The following ITGAM variants were observed in gnomAD, a reference collection of about 807,000 sequenced individuals.
ITGAM encodes the protein integrin subunit alpha M.
Under a neutral mutation model 137.5 loss-of-function variants are expected in ITGAM, and 79 were observed. That is an observed-to-expected ratio of 0.57 (90% confidence interval 0.48 to 0.69). The LOEUF (loss-of-function observed/expected upper bound fraction) is 0.69, where lower values mean the gene tolerates loss of function less well. Ranked by LOEUF, ITGAM falls within the 30% of genes least tolerant of loss-of-function variation. The pLI is 0.00. For missense variants in ITGAM, 1,343 were observed against 1,483.5 expected (o/e 0.91, Z 1.56); for synonymous variants, 583 against 592.3 (o/e 0.98, Z 0.23).
rs1275963706 is a variant in ITGAM at position 31,329,301 on chromosome 16, C to G, written c.2866C>G (p.Gln956Glu). The G allele has an allele frequency of 1.9e-6, 3 of 1,607,976 alleles. No individual in the cohort carries two copies. Among genetic ancestry groups the G allele is most frequent in the African/African-American group, 1.3e-5 (1 of 74,742 alleles). ...NTSRVMQHQY[Q>E]VSNLGQRSLP... The stretch of plus-strand genomic sequence containing the variant: ...CAGTCGGGTCATGCAGCATCAATAT[C>G]AGGTGGGCAGCTGGGACGTCTGGGT... The change falls in exon 24 of 30, where the codon CAG becomes GAG. Residue 956 changes from glutamine to glutamate, a missense_variant and splice_region_variant. By Grantham distance (29) the Gln-to-Glu change is conservative. Transcript: ENST00000544665.
At chr16:31,326,778 C>G in intron 21 of ITGAM, 78 bp from the exon 22 acceptor site, 1 of 975,758 alleles carries the variant, frequency 1.0e-6, no homozygotes, top group South Asian at 1.3e-5. Context: ...TTTCATGTCT[C>G]CATTAATCAG....
chr16:31,269,189 G>A (rs1401017463), intron 5 of ITGAM, among the ~76,000 whole-genome samples: 2 of 152,094 alleles, frequency 1.3e-5, no homozygotes, highest in African/African-American at 2.4e-5. Flanking sequence ...CAGCAAGATC[G>A]GATGAACCAG....
At chr16:31,269,966 A>G (rs2079810536) in intron 5 of ITGAM, among the ~76,000 whole-genome samples, 1 of 152,178 alleles carries the variant, frequency 6.6e-6, no homozygotes. Context: ...TTGACCTCCC[A>G]GGCCACAGAG....
intron 8 of ITGAM, among the ~76,000 whole-genome samples, chr16:31,274,277 A>G (rs1162140961): frequency 1.3e-5 from 2 of 152,248 alleles, no homozygotes; most frequent in African/African-American, 4.8e-5. Flanking sequence ...TATAGGTTAA[A>G]CATTCCACAG....
intron 14 of ITGAM, among the ~76,000 whole-genome samples, chr16:31,302,428 C>CTTTCTTCTTTCTTTCTTTCTTTCT (rs71390270): frequency 3.9e-5 from 4 of 103,180 alleles, no homozygotes; most frequent in African/African-American, 2.2e-4. Context: ...TTCTTTCTTT[C>CTTTCTTCTTTCTTTCTTTCTTTCT]TTCTTTCTTT....
At chr16:31,286,468 C>A (rs2080030619) in intron 12 of ITGAM, among the ~76,000 whole-genome samples, 1 of 152,198 alleles carries the variant, frequency 6.6e-6, no homozygotes, top group South Asian at 2.1e-4. Context: ...CACCAGCCAA[C>A]AATGTATAAG....
intron 20 of ITGAM, 33 bp downstream of exon 20, chr16:31,325,437 T>C: frequency 6.2e-7 from 1 of 1,612,618 alleles, no homozygotes; most frequent in Non-Finnish European, 8.5e-7. Flanking sequence ...CTATCTGACC[T>C]TTGCTTCCCC....
intron 14 of ITGAM, among the ~76,000 whole-genome samples, chr16:31,316,062 C>T (rs62051485): frequency 0.79 from 21,996 of 27,982 alleles, 8,731 homozygotes; most frequent in East Asian, 0.99. Context: ...GGCGCGGTGG[C>T]GGGCGCCTGT....
chr16:31,321,480 A>G lies in ITGAM; in HGVS notation c.1855A>G (p.Arg619Gly). The G allele has an allele frequency of 1.2e-6, 2 of 1,613,960 alleles. No homozygotes were observed. The highest frequency in any genetic ancestry group is 1.7e-6 in the Non-Finnish European group (2 of 1,179,870). ...VLLLRSQPVL[R>G]VKAIMEFNPR... ...TCCCTTTAGGTCCCAGCCAGTACTGAGAGTCAAGGCAATCATGGAGTTCAA... is the reference window on the plus strand; with the variant it reads ...TCCCTTTAGGTCCCAGCCAGTACTGGGAGTCAAGGCAATCATGGAGTTCAA... Residue 619 changes from arginine to glycine, a missense_variant, in exon 16 of 30, where the codon AGA becomes GGA. Physicochemically the swap from Arg to Gly is moderately radical, Grantham distance 125. Coordinates refer to ENST00000544665, the MANE Select transcript of ITGAM (RefSeq NM_000632.4).
At chr16:31,271,340 T>C (rs1310088403) in intron 6 of ITGAM, among the ~76,000 whole-genome samples, 2 of 151,968 alleles carry the variant, frequency 1.3e-5, no homozygotes, top group Non-Finnish European at 2.9e-5. Flanking sequence ...GCTGGCTGAG[T>C]TCTATTTTCA....
At chr16:31,303,483 GTACAAGTGCTTTTTGGT>G (rs1470475564) in intron 14 of ITGAM, among the ~76,000 whole-genome samples, 2 of 152,100 alleles carry the variant, frequency 1.3e-5, no homozygotes, top group Non-Finnish European at 2.9e-5. Context: ...AACTTTTGGG[GTACAAGTGCTTTTTGGT>G]TACATGAATG....
At chr16:31,304,670 T>C (rs1298139037) in intron 14 of ITGAM, among the ~76,000 whole-genome samples, 1 of 152,234 alleles carries the variant, frequency 6.6e-6, no homozygotes, top group African/African-American at 2.4e-5. Flanking sequence ...TTCATTCTTC[T>C]ACATGTGATT....
At chr16:31,300,035 AT>A (rs1263746854) in intron 14 of ITGAM, among the ~76,000 whole-genome samples, 1 of 151,710 alleles carries the variant, frequency 6.6e-6, no homozygotes, top group Non-Finnish European at 1.5e-5. Flanking sequence ...ATTTATTTTT[AT>A]TTTTTGTAGA....
At chr16:31,318,126 C>T (rs568683411) in intron 14 of ITGAM, among the ~76,000 whole-genome samples, 2 of 152,078 alleles carry the variant, frequency 1.3e-5, no homozygotes, top group South Asian at 4.1e-4. Context: ...CTTTCTATTG[C>T]CTTATGATTC....
Position 31,328,217 on chromosome 16 carries a change from A to G in ITGAM, c.2779A>G (p.Met927Val), listed in dbSNP as rs1339355005. The change falls in exon 23 of 30, where the codon ATG (methionine) becomes GTG (valine). Residue 927 changes from methionine (M) to valine (V), a missense_variant. By Grantham distance (21) the Met-to-Val change is conservative (BLOSUM62 1). Coordinates refer to ENST00000544665, the MANE Select transcript of ITGAM (RefSeq NM_000632.4). ...LELPVKYAVYMVVTSHGVSTK... is the reference protein window; with the variant it reads ...LELPVKYAVYVVVTSHGVSTK... ...GCTGCCGGTGAAATATGCTGTCTAC[A>G]TGGTGGTCACCAGGTGCTGGCTTCC... 4 of 1,613,784 alleles carry G rather than the reference A, an allele frequency of 2.5e-6. No individual in the cohort carries two copies. The East Asian group carries it at 6.7e-5, about 27-fold the overall frequency.
At chr16:31,317,818 T>C (rs1296967171) in intron 14 of ITGAM, among the ~76,000 whole-genome samples, 1 of 152,182 alleles carries the variant, frequency 6.6e-6, no homozygotes, top group Admixed American at 6.5e-5. Context: ...AGTTTGCTAG[T>C]ATTTTATTTA....
At chr16:31,312,974 C>T (rs181273628) in intron 14 of ITGAM, among the ~76,000 whole-genome samples, 2,213 of 151,008 alleles carry the variant, frequency 0.015, 64 homozygotes, top group African/African-American at 0.051. Context: ...AATCCCAGCA[C>T]TTTGGGAGGC....
rs2144380164 is a variant in ITGAM at position 31,297,589 on chromosome 16, G to A, written c.1432G>A (p.Gly478Arg). 3 of 1,612,648 alleles carry A rather than the reference G, an allele frequency of 1.9e-6. No homozygotes were observed. Among genetic ancestry groups the A allele is most frequent in the East Asian group, 2.2e-5 (1 of 44,886 alleles). Residue 478 changes from glycine (G) to arginine (R), a missense_variant, in exon 13 of 30, where the codon GGG (glycine) becomes AGG (arginine). Coordinates refer to ENST00000544665, the MANE Select transcript of ITGAM (RefSeq NM_000632.4). The part of the protein sequence containing the change: ...SNGSTDLVLI[G>R]APHYYEQTRG... Reference sequence around the variant, plus strand: ...CGGCAGCACCGACCTGGTCCTCATCGGGGCCCCCCATTACTACGAGCAGAC... The same window carrying A: ...CGGCAGCACCGACCTGGTCCTCATCAGGGCCCCCCATTACTACGAGCAGAC...
chr16:31,262,361 TTCCTTCCTTCC>T (rs2079713230), intron 2 of ITGAM, among the ~76,000 whole-genome samples: 2 of 131,416 alleles, frequency 1.5e-5, no homozygotes, highest in Non-Finnish European at 3.2e-5. Flanking sequence ...CCTTCCTTCC[TTCCTTCCTTCC>T]TTCCTTCCTT....
Sources: allele counts gnomAD v4.1 joint callset (sites outside exome capture counted in the v4.1 genomes callset), GRCh38; gene constraint gnomAD v4.1.1; transcripts MANE v1.5; gene names NCBI Gene and HGNC (gene_info 2026-07-23, HGNC 2026-07-21).